KIAA1217: variants seen among roughly 807,000 people sequenced by gnomAD.
KIAA1217 encodes KIAA1217.
In KIAA1217, 88 loss-of-function variants were observed where a neutral mutation model predicts 163.9. The ratio of observed to expected loss-of-function variants is 0.54; its 90% CI spans 0.45 to 0.64. KIAA1217 has a LOEUF of 0.64. Ranked by LOEUF, KIAA1217 falls within the 30% of genes least tolerant of loss-of-function variation. KIAA1217 has a pLI of 0.00. For synonymous variants in KIAA1217, 903 were observed against 923.1 expected (o/e 0.98, Z 0.39); for missense variants, 2,372 against 2,475.0 (o/e 0.96, Z 0.88).
At chr10:23,890,907 T>G (rs1049949788) in intron 1 of KIAA1217, among the ~76,000 whole-genome samples, 17 of 151,976 alleles carry the variant, frequency 1.1e-4, no homozygotes, top group African/African-American at 3.9e-4. Flanking sequence ...GCTTATAAAT[T>G]TTGGAGTTTT....
At chr10:23,869,133 T>TG (rs1840336749) in intron 1 of KIAA1217, among the ~76,000 whole-genome samples, 2 of 141,436 alleles carry the variant, frequency 1.4e-5, no homozygotes, top group African/African-American at 2.7e-5. Context: ...AGTTTTTTTT[T>TG]TTTTTTTTTT....
At position 24,528,045 on chromosome 10, in the gene KIAA1217, C is replaced by T. The variant is rs1460310346; in HGVS notation, c.3008C>T (p.Pro1003Leu). The T allele has an allele frequency of 1.2e-6, 2 of 1,614,110 alleles. No homozygotes were observed. Among genetic ancestry groups the T allele is most frequent in the South Asian group, 1.1e-5 (1 of 91,072 alleles). ...EAQANIMKSIPNLEMPPATGP... is the reference protein window; with the variant it reads ...EAQANIMKSILNLEMPPATGP... ...CAGGCCAATATCATGAAGTCAATAC[C>T]AAATCTGGAGATGCCGCCAGCCACA... The change falls in exon 14 of 21, where the codon CCA becomes CTA. Residue 1003 changes from proline to leucine, a missense_variant. Physicochemically the swap from Pro to Leu is moderately conservative, Grantham distance 98. Transcript: ENST00000376454.
At chr10:24,396,627 A>G (rs538595408) in intron 3 of KIAA1217, among the ~76,000 whole-genome samples, 2 of 152,176 alleles carry the variant, frequency 1.3e-5, no homozygotes, top group Non-Finnish European at 2.9e-5. Context: ...GGAGCATGTG[A>G]AGATGTAAGC....
chr10:23,729,128 C>G (rs1838332208), intron 1 of KIAA1217, among the ~76,000 whole-genome samples: 1 of 152,154 alleles, frequency 6.6e-6, no homozygotes. Flanking sequence ...GGCTTCATAG[C>G]TCATTTCTTT....
chr10:24,501,195 A>G (rs1381143649), intron 8 of KIAA1217, among the ~76,000 whole-genome samples, 184 bp from the exon 9 acceptor site: 1 of 152,192 alleles, frequency 6.6e-6, no homozygotes, highest in Non-Finnish European at 1.5e-5. Flanking sequence ...TTCTTACTAA[A>G]CTTCTAGAAT....
chr10:24,368,248 G>T (rs551493147), intron 2 of KIAA1217, among the ~76,000 whole-genome samples: 1 of 152,190 alleles, frequency 6.6e-6, no homozygotes, highest in Admixed American at 6.5e-5. Context: ...AAGTTAAAAT[G>T]CAGAAAGGGA....
intron 1 of KIAA1217, among the ~76,000 whole-genome samples, chr10:23,894,916 G>A (rs1022824643): frequency 1.1e-4 from 16 of 152,162 alleles, no homozygotes; most frequent in African/African-American, 3.6e-4. Context: ...AATAAATGGT[G>A]CTGGGAAAAC....
At chr10:23,756,944 G>A (rs1833949868) in intron 1 of KIAA1217, among the ~76,000 whole-genome samples, 1 of 152,166 alleles carries the variant, frequency 6.6e-6, no homozygotes, top group Admixed American at 6.5e-5. Flanking sequence ...ATTATGCTAA[G>A]TGCCTTATAT....
At chr10:23,704,160 GTGTGTGTGTGTGTATATATA>G (rs1836694777) in intron 1 of KIAA1217, among the ~76,000 whole-genome samples, 1 of 77,526 alleles carries the variant, frequency 1.3e-5, no homozygotes, top group African/African-American at 7.2e-5. Context: ...GTGTGTGTGT[GTGTGTGTGTGTGTATATATA>G]TATATATATA....
chr10:24,485,814 G>A (rs991350413), intron 6 of KIAA1217, among the ~76,000 whole-genome samples: 1 of 152,190 alleles, frequency 6.6e-6, no homozygotes, highest in Non-Finnish European at 1.5e-5. Context: ...TTCCCAATTC[G>A]ATGGTTAAGG....
chr10:24,015,030 T>C (rs953533855), intron 2 of KIAA1217, among the ~76,000 whole-genome samples: 3 of 152,114 alleles, frequency 2.0e-5, no homozygotes, highest in East Asian at 1.9e-4. Flanking sequence ...TAAAAAAGCA[T>C]GTAGTTATCA....
chr10:24,057,064 G>A (rs906290382), intron 2 of KIAA1217, among the ~76,000 whole-genome samples: 8 of 151,360 alleles, frequency 5.3e-5, no homozygotes, highest in Non-Finnish European at 8.8e-5. Context: ...GGTAACATAG[G>A]AAGACCCCAT....
rs756183871 is a variant in KIAA1217 at position 24,475,404 on chromosome 10, T to C, written c.1679+1344T>C. ...TTTTCACACACAAGTCAGAAAGCCC[T>C]GAAGTCCTCTTTAGCACAGTTTTAT... is the stretch of plus-strand genomic sequence containing the variant. On this transcript the variant is annotated intron_variant, in intron 6 of 20. Transcript: ENST00000376454. Among the ~76,000 whole-genome samples, 13 of 152,192 alleles carry C rather than the reference T, an allele frequency of 8.5e-5. 1 individual carries two copies. The highest frequency in any genetic ancestry group is 1.5e-5 in the Non-Finnish European group (1 of 68,044).
rs1484206106 is a variant in KIAA1217 at position 24,085,715 on chromosome 10, A to G, written c.-171+78341A>G. On this transcript the variant is annotated intron_variant, in intron 2 of 18. Transcript: ENST00000376462. Reference sequence around the variant, plus strand: ...CTGGGAGGCATGGTAGCTCACGCCTATGGTCCCAGCACTTTGGGAGGCTGA... The same window carrying G: ...CTGGGAGGCATGGTAGCTCACGCCTGTGGTCCCAGCACTTTGGGAGGCTGA... 5.9e-5 allele frequency among the ~76,000 whole-genome samples: 9 copies of G among 152,054 alleles called. No homozygotes were observed. The East Asian group carries it at 1.5e-3, about 26-fold the overall frequency.
chr10:24,292,969 G>A lies in KIAA1217; in HGVS notation c.354+73060G>A, dbSNP rs548920661. 5.3e-5 allele frequency among the ~76,000 whole-genome samples: 8 copies of A among 152,264 alleles called. No homozygotes were observed. The South Asian group carries it at 1.7e-3, about 32-fold the overall frequency. On this transcript the variant is annotated intron_variant, in intron 2 of 20. Transcript: ENST00000376454. Reference sequence around the variant, plus strand: ...CTTGCAGCACTCTGTGAACCAGAAGGCCAATTTCTACATGCTACAAGCTGC... The same window carrying A: ...CTTGCAGCACTCTGTGAACCAGAAGACCAATTTCTACATGCTACAAGCTGC...
At chr10:24,257,736 C>T (rs746397411) in intron 2 of KIAA1217, among the ~76,000 whole-genome samples, 18 of 152,162 alleles carry the variant, frequency 1.2e-4, no homozygotes, top group Admixed American at 3.9e-4. Flanking sequence ...GGAACTGGGA[C>T]TGATGCTTCC....
At chr10:23,950,596 C>T (rs549147841) in intron 1 of KIAA1217, among the ~76,000 whole-genome samples, 42 of 151,952 alleles carry the variant, frequency 2.8e-4, no homozygotes, top group Non-Finnish European at 5.4e-4. Context: ...ATTGTTCATG[C>T]ATGCATGCAT....
chr10:23,920,372 ACT>A (rs1842808890), intron 1 of KIAA1217, among the ~76,000 whole-genome samples: 2 of 152,090 alleles, frequency 1.3e-5, no homozygotes, highest in African/African-American at 4.8e-5. Flanking sequence ...AAGGTCGCTG[ACT>A]GGCTAGATTG....
intron 2 of KIAA1217, among the ~76,000 whole-genome samples, chr10:24,233,901 G>A (rs12414014): frequency 0.25 from 37,669 of 151,844 alleles, 5,450 homozygotes; most frequent in East Asian, 0.35. Context: ...TTCTCCCTGC[G>A]TTCCTAAGAA....
Sources: allele counts gnomAD v4.1 joint callset (sites outside exome capture counted in the v4.1 genomes callset), GRCh38; gene constraint gnomAD v4.1.1; transcripts MANE v1.5; gene names NCBI Gene and HGNC (gene_info 2026-07-23, HGNC 2026-07-21).